Variants in TANK observed in about 807,000 individuals in gnomAD.
TANK encodes the protein TRAF family member-associated NF-kappa-B activator.
TANK carries 15 observed loss-of-function variants against 43.6 expected under a neutral mutation model. That is an observed-to-expected ratio of 0.34 (90% CI 0.23 to 0.53). The LOEUF (loss-of-function observed/expected upper bound fraction) is 0.53. Among genes scored for constraint, TANK ranks in the 20% least tolerant of loss-of-function variants. TANK has a pLI of 0.94. For synonymous variants in TANK, 162 were observed against 178.2 expected (o/e 0.91, Z 0.73); for missense variants, 417 against 498.6 (o/e 0.84, Z 1.56).
At chr2:161,171,456 C>T (rs1487718185) in intron 1 of TANK, among the ~76,000 whole-genome samples, 2 of 152,114 alleles carry the variant, frequency 1.3e-5, no homozygotes, top group African/African-American at 4.8e-5. Flanking sequence ...ATCCAGCAGC[C>T]TATGGATGTC....
intron 2 of TANK, among the ~76,000 whole-genome samples, chr2:161,194,280 T>G (rs1329659480): frequency 2.0e-5 from 3 of 152,028 alleles, no homozygotes; most frequent in African/African-American, 7.2e-5. Flanking sequence ...AGAAATCTCT[T>G]TGTTGAGAAG....
intron 7 of TANK, among the ~76,000 whole-genome samples, chr2:161,233,483 T>C (rs1688023992): frequency 1.3e-5 from 2 of 152,244 alleles, no homozygotes; most frequent in South Asian, 4.2e-4. Flanking sequence ...TGGCTACATA[T>C]TTCAAAATTT....
chr2:161,179,828 C>A, intron 2 of TANK, 67 bp downstream of exon 2: 2 of 1,524,134 alleles, frequency 1.3e-6, no homozygotes, highest in Middle Eastern at 1.7e-4. Context: ...CCTTTTGCAT[C>A]TGAAAAATGT....
Position 161,212,629 on chromosome 2 carries a change from C to T in TANK, c.327+7836C>T, listed in dbSNP as rs572722884. 3.7e-5 allele frequency: 36 copies of T among 985,328 alleles called. No individual in the cohort carries two copies. The South Asian group carries it at 6.6e-4, about 18-fold the overall frequency. The allele number at this position is 985,328 out of a possible 1,614,324, so 61.0% of individuals were successfully genotyped here. ...GTCTTTCCTAACTTAGAAGCAAATTCGAATGTCTCTAGTATGGCTTTTCTC... is the reference window on the plus strand; with the variant it reads ...GTCTTTCCTAACTTAGAAGCAAATTTGAATGTCTCTAGTATGGCTTTTCTC... On this transcript the variant is annotated intron_variant, in intron 4 of 7. Coordinates refer to ENST00000392749, the MANE Select transcript of TANK (RefSeq NM_001199135.3).
chr2:161,196,439 A>G (rs1264778585), intron 2 of TANK, among the ~76,000 whole-genome samples: 1 of 152,308 alleles, frequency 6.6e-6, no homozygotes, highest in Non-Finnish European at 1.5e-5. Flanking sequence ...CAGGTGAGCT[A>G]GAGGTACTAA....
At chr2:161,161,645 T>A in intron 1 of TANK, 1 of 607,914 alleles carries the variant, frequency 1.6e-6, no homozygotes, top group Non-Finnish European at 2.7e-6. Flanking sequence ...TGTTTCAGAT[T>A]AAATATATAT....
At chr2:161,235,254 G>A (rs3754971) in intron 7 of TANK, 88 bp from the exon 8 acceptor site, 71,693 of 1,192,830 alleles carry the variant, frequency 0.06, 4,314 homozygotes, top group African/African-American at 0.26. Flanking sequence ...ATATGCCCAT[G>A]CGTAACTCAT....
intron 4 of TANK, among the ~76,000 whole-genome samples, chr2:161,206,458 A>G (rs976078629): frequency 2.0e-5 from 3 of 152,186 alleles, no homozygotes; most frequent in African/African-American, 7.2e-5. Context: ...TACTGATTGC[A>G]TAACTAAGAC....
chr2:161,160,899 G>A (rs1684397493), intron 1 of TANK: 1 of 443,846 alleles, frequency 2.3e-6, no homozygotes. Context: ...AAGTAGTATC[G>A]TGGTTACTCT....
chr2:161,235,388 T>C lies in TANK; in HGVS notation c.1148T>C (p.Leu383Pro). Reference protein sequence around the residue: ...FPNQDSDSVVLSGTDSELHIP... With the variant: ...FPNQDSDSVVPSGTDSELHIP... ...AATCAAGACAGTGACTCGGTGGTAC[T>C]AAGTGGCACAGACTCAGAACTGCAT... The change falls in exon 8 of 8, where the codon CTA (leucine) becomes CCA (proline). Residue 383 changes from leucine (L) to proline (P), a missense_variant. Transcript: ENST00000392749. 1.9e-6 allele frequency: 3 copies of C among 1,613,060 alleles called. No individual in the cohort carries two copies. The highest frequency in any genetic ancestry group is 8.5e-7 in the Non-Finnish European group (1 of 1,179,538).
At chr2:161,208,741 G>A (rs1380835876) in intron 4 of TANK, among the ~76,000 whole-genome samples, 1 of 152,150 alleles carries the variant, frequency 6.6e-6, no homozygotes, top group South Asian at 2.1e-4. Flanking sequence ...TTCCATATGA[G>A]CCTCTCTGCA....
Position 161,231,064 on chromosome 2 carries a change from G to A in TANK, c.614G>A (p.Gly205Asp). Residue 205 changes from glycine to aspartate, a missense_variant, in exon 7 of 8, where the codon GGT (glycine) becomes GAT (aspartate). Physicochemically the swap from Gly to Asp is moderately conservative, Grantham distance 94. Transcript: ENST00000392749. Reference sequence around the variant, plus strand: ...CAGGCTAAAGATGATATAAATAGAGGTGCACCATCCATCACATCTGTCACA... The same window carrying A: ...CAGGCTAAAGATGATATAAATAGAGATGCACCATCCATCACATCTGTCACA... ...KPQAKDDINR[G>D]APSITSVTPR... 1 of 1,614,002 alleles carries A rather than the reference G, an allele frequency of 6.2e-7. No individual in the cohort carries two copies. Among genetic ancestry groups the A allele is most frequent in the Non-Finnish European group, 8.5e-7 (1 of 1,179,990 alleles).
intron 2 of TANK, chr2:161,200,479 C>G: frequency 1.0e-6 from 1 of 956,190 alleles, no homozygotes; most frequent in Non-Finnish European, 1.2e-6. Flanking sequence ...CTGGTTATTT[C>G]CCAGTTTGAT....
intron 2 of TANK, among the ~76,000 whole-genome samples, chr2:161,191,078 GTTC>G (rs575824743): frequency 7.0e-4 from 106 of 152,214 alleles, no homozygotes; most frequent in Middle Eastern, 3.4e-3. Context: ...CTCCACATCA[GTTC>G]TTCTCTCAGT....
At chr2:161,182,237 C>A (rs1444091760) in intron 2 of TANK, among the ~76,000 whole-genome samples, 2 of 152,066 alleles carry the variant, frequency 1.3e-5, no homozygotes, top group Non-Finnish European at 2.9e-5. Flanking sequence ...AAGCAGTGGA[C>A]ACCAGCTAGA....
intron 1 of TANK, among the ~76,000 whole-genome samples, chr2:161,145,215 T>C (rs1439982810): frequency 6.7e-6 from 1 of 150,070 alleles, no homozygotes; most frequent in East Asian, 1.9e-4. Flanking sequence ...AGCCTATGTG[T>C]GTCTTTGCAT....
intron 2 of TANK, among the ~76,000 whole-genome samples, chr2:161,198,020 T>G (rs1005159607): frequency 7.2e-5 from 11 of 152,190 alleles, no homozygotes; most frequent in Admixed American, 5.2e-4. Context: ...CTTTAAAATC[T>G]AAAGTTTCAT....
intron 2 of TANK, among the ~76,000 whole-genome samples, chr2:161,202,619 A>G (rs1275388948): frequency 6.6e-6 from 1 of 152,172 alleles, no homozygotes; most frequent in Non-Finnish European, 1.5e-5. Flanking sequence ...TCATTCTGAG[A>G]TTATTAGAAC....
rs956726543 is a variant in TANK, at chr2:161,231,591, A to G, written c.1101+40A>G. The G allele has an allele frequency of 7.0e-6, 11 of 1,560,640 alleles. No homozygotes were observed. The Admixed American group carries it at 1.0e-4, about 14-fold the overall frequency. On this transcript the variant is annotated intron_variant, in intron 7 of 7. Coordinates refer to ENST00000392749, the MANE Select transcript of TANK (RefSeq NM_001199135.3). ...TTAACAAATATATTATTATGTGTGAACACACATTTTGCCATACATGCACAG... is the reference window on the plus strand; with the variant it reads ...TTAACAAATATATTATTATGTGTGAGCACACATTTTGCCATACATGCACAG...
Sources: allele counts gnomAD v4.1 joint callset (sites outside exome capture counted in the v4.1 genomes callset), GRCh38; gene constraint gnomAD v4.1.1; transcripts MANE v1.5; gene names NCBI Gene and HGNC (gene_info 2026-07-23, HGNC 2026-07-21).